The following KCTD1 variants were observed in gnomAD, a reference collection of about 807,000 sequenced individuals.
KCTD1 encodes BTB/POZ domain-containing protein KCTD1.
Under a neutral mutation model 66.0 loss-of-function variants are expected in KCTD1, and 24 were observed. The ratio of observed to expected loss-of-function variants is 0.36; its 90% CI spans 0.26 to 0.51. The LOEUF (loss-of-function observed/expected upper bound fraction) is 0.51. Ranked by LOEUF, KCTD1 falls within the 20% of genes least tolerant of loss-of-function variation. KCTD1 has a pLI of 0.95. For synonymous variants in KCTD1, 511 were observed against 517.2 expected (o/e 0.99, Z 0.16); for missense variants, 943 against 1,205.2 (o/e 0.78, Z 3.22).
intron 1 of KCTD1, among the ~76,000 whole-genome samples, chr18:26,526,781 A>C (rs1386282921): frequency 6.6e-6 from 1 of 152,010 alleles, no homozygotes; most frequent in Non-Finnish European, 1.5e-5. Context: ...GAAATGGAGA[A>C]CATGTGTGGA....
At chr18:26,518,422 T>C (rs1312815308) in intron 1 of KCTD1, among the ~76,000 whole-genome samples, 1 of 152,048 alleles carries the variant, frequency 6.6e-6, no homozygotes, top group African/African-American at 2.4e-5. Flanking sequence ...CGCACCACCA[T>C]GCCTGGCTAA....
At chr18:26,656,028 C>A (rs1297605792) in intron 1 of KCTD1, among the ~76,000 whole-genome samples, 1 of 149,632 alleles carries the variant, frequency 6.7e-6, no homozygotes. Flanking sequence ...AGAAGGGTGG[C>A]GGGAGTGGGT....
chr18:26,471,680 G>A (rs1002384066), intron 3 of KCTD1, among the ~76,000 whole-genome samples: 4 of 152,146 alleles, frequency 2.6e-5, no homozygotes, highest in African/African-American at 9.7e-5. Context: ...TCCTGGTTGT[G>A]ATCCCAGTAT....
rs538751810 is a variant in KCTD1 at position 26,513,668 on chromosome 18, G to C, written c.1810-12418C>G. 3.9e-5 allele frequency among the ~76,000 whole-genome samples: 6 copies of C among 152,324 alleles called. No individual in the cohort carries two copies. The South Asian group carries it at 1.2e-3, about 32-fold the overall frequency. ...TTCAGCTTTCCCATTTATAATCTATGCAGTCGGACCAGATGCTCTGTAATG... is the reference window on the plus strand; with the variant it reads ...TTCAGCTTTCCCATTTATAATCTATCCAGTCGGACCAGATGCTCTGTAATG... On this transcript the variant is annotated intron_variant, in intron 1 of 4. Coordinates refer to ENST00000580059, the MANE Select transcript of KCTD1 (RefSeq NM_001142730.3).
chr18:26,625,866 C>T (rs967978903), intron 1 of KCTD1, among the ~76,000 whole-genome samples: 1 of 152,108 alleles, frequency 6.6e-6, no homozygotes, highest in African/African-American at 2.4e-5. Flanking sequence ...CATAGTCCAC[C>T]CTGGCCAGAC....
chr18:26,610,265 T>C (rs1987104946), intron 1 of KCTD1, among the ~76,000 whole-genome samples: 1 of 152,118 alleles, frequency 6.6e-6, no homozygotes, highest in Non-Finnish European at 1.5e-5. Flanking sequence ...CAATTTTAAG[T>C]CCCATTTGTT....
intron 1 of KCTD1, among the ~76,000 whole-genome samples, chr18:26,618,792 A>G (rs1323944872): frequency 6.6e-6 from 1 of 152,264 alleles, no homozygotes; most frequent in African/African-American, 2.4e-5. Flanking sequence ...GGTTGTTATT[A>G]TCTAGAATTA....
In KCTD1 at chr18:26,614,835, TAC is replaced by T. The variant is rs1387042787; in HGVS notation, c.-16+14310_-16+14311del. Among the ~76,000 whole-genome samples the T allele has an allele frequency of 3.3e-5, 5 of 152,344 alleles. No individual in the cohort carries two copies. In the South Asian group the frequency reaches 8.3e-4, roughly 25 times the overall value. ...CTTATCTTGTTCCCTTAAACATATG[TAC>T]AGAGATACCTTTTCTCTTACCAGTT... On this transcript the variant is annotated intron_variant, in intron 1 of 4. Coordinates refer to the KCTD1 transcript ENST00000317932.
intron 1 of KCTD1, among the ~76,000 whole-genome samples, chr18:26,508,732 A>T (rs56014852): frequency 0.42 from 60,481 of 144,750 alleles, 13,039 homozygotes; most frequent in Non-Finnish European, 0.52. Context: ...TCTCTCTCAC[A>T]CACACACACA....
chr18:26,507,574 C>T (rs114945468), intron 1 of KCTD1, among the ~76,000 whole-genome samples: 293 of 152,046 alleles, frequency 1.9e-3, no homozygotes, highest in Middle Eastern at 6.8e-3. Flanking sequence ...TGGGGACTTG[C>T]TATGTTTATC....
chr18:26,486,413 C>G (rs1242259328), intron 2 of KCTD1, among the ~76,000 whole-genome samples: 2 of 152,246 alleles, frequency 1.3e-5, no homozygotes, highest in African/African-American at 4.8e-5. Context: ...CTTTCCTGCT[C>G]TGGCACCTCC....
At chr18:26,576,426 C>A (rs1986227293) in intron 1 of KCTD1, among the ~76,000 whole-genome samples, 1 of 152,136 alleles carries the variant, frequency 6.6e-6, no homozygotes, top group East Asian at 1.9e-4. Flanking sequence ...GAATTCCTAT[C>A]AAATAAAATG....
At chr18:26,531,308 A>G (rs1984424605) in intron 1 of KCTD1, among the ~76,000 whole-genome samples, 1 of 152,208 alleles carries the variant, frequency 6.6e-6, no homozygotes, top group Non-Finnish European at 1.5e-5. Flanking sequence ...CCTGGGCAAC[A>G]TAGGGAGACC....
At chr18:26,626,376 T>G (rs1987501388) in intron 1 of KCTD1, among the ~76,000 whole-genome samples, 1 of 151,732 alleles carries the variant, frequency 6.6e-6, no homozygotes. Context: ...ATTGGTAAGT[T>G]CAATGAAGAA....
intron 2 of KCTD1, among the ~76,000 whole-genome samples, chr18:26,479,752 C>T (rs1981538069): frequency 6.6e-6 from 1 of 152,160 alleles, no homozygotes; most frequent in South Asian, 2.1e-4. Context: ...GGAGGGGGCA[C>T]GTGGTGCCAA....
chr18:26,480,040 A>ATTTTTT lies in KCTD1; in HGVS notation c.1989-3387_1989-3382dup, dbSNP rs199551482. 2.0e-3 allele frequency among the ~76,000 whole-genome samples: 280 copies of ATTTTTT among 139,736 alleles called. 5 individuals are homozygous for ATTTTTT. Among genetic ancestry groups the ATTTTTT allele is most frequent in the East Asian group, 0.016 (70 of 4,458 alleles). The allele number at this position is 139,736 out of a possible 152,430, so 91.7% of individuals were successfully genotyped here. On this transcript the variant is annotated intron_variant, in intron 2 of 4. Coordinates refer to ENST00000580059, the MANE Select transcript of KCTD1 (RefSeq NM_001142730.3). ...CAGACGATGTATGGCTGGTTTTGGA[A>ATTTTTT]TTTTTTTTTTTTTTTTTTTTTCACT...
intron 1 of KCTD1, among the ~76,000 whole-genome samples, chr18:26,524,622 T>C (rs1051829690): frequency 6.6e-6 from 1 of 152,084 alleles, no homozygotes; most frequent in Non-Finnish European, 1.5e-5. Context: ...ACCCAAACAT[T>C]TAAGAAAGCT....
At chr18:26,500,285 G>A (rs960703814) in intron 2 of KCTD1, among the ~76,000 whole-genome samples, 1 of 151,982 alleles carries the variant, frequency 6.6e-6, no homozygotes, top group Non-Finnish European at 1.5e-5. Context: ...CTGGGCATGG[G>A]GGCATGCACC....
intron 3 of KCTD1, among the ~76,000 whole-genome samples, chr18:26,475,344 G>C (rs1004382927): frequency 6.6e-6 from 1 of 152,026 alleles, no homozygotes; most frequent in Admixed American, 6.6e-5. Flanking sequence ...AATAATTTGA[G>C]GATAACTGAC....
Sources: gnomAD v4.1 joint callset for allele counts (sites outside exome capture counted in the v4.1 genomes callset) on GRCh38, gnomAD v4.1.1 for gene constraint, MANE v1.5 for transcripts, NCBI Gene and HGNC (gene_info 2026-07-23, HGNC 2026-07-21) for gene names.